Variants in IQCJ observed in about 807,000 individuals in gnomAD.
The protein encoded by IQCJ is IQ domain-containing protein J.
A neutral mutation model predicts 11.0 loss-of-function variants in IQCJ; 9 were observed. The ratio of observed to expected loss-of-function variants is 0.82; its 90% CI spans 0.49 to 1.43. The LOEUF is 1.43. Ranked by LOEUF, IQCJ falls within the 40% of genes most tolerant of loss-of-function variation. The pLI is 0.00. For synonymous variants in IQCJ, 55 were observed against 51.3 expected (o/e 1.07, Z -0.31); for missense variants, 146 against 133.2 (o/e 1.10, Z -0.47).
At chr3:159,216,411 G>C (rs762053501) in intron 1 of IQCJ, among the ~76,000 whole-genome samples, 1 of 152,104 alleles carries the variant, frequency 6.6e-6, no homozygotes, top group Non-Finnish European at 1.5e-5. Context: ...CATGTAAATT[G>C]CTTAATGGCT....
At chr3:159,238,895 A>G (rs1233205466) in intron 1 of IQCJ, among the ~76,000 whole-genome samples, 1 of 152,158 alleles carries the variant, frequency 6.6e-6, no homozygotes, top group Non-Finnish European at 1.5e-5. Context: ...GCTTTGTCAC[A>G]CAGACCTTGG....
chr3:159,249,254 T>A (rs928726335), intron 2 of IQCJ, among the ~76,000 whole-genome samples: 2 of 152,220 alleles, frequency 1.3e-5, no homozygotes, highest in African/African-American at 2.4e-5. Flanking sequence ...TGTATCTTTC[T>A]CAACTGTCTT....
At chr3:159,126,395 C>T (rs1416052668) in intron 1 of IQCJ, among the ~76,000 whole-genome samples, 1 of 152,204 alleles carries the variant, frequency 6.6e-6, no homozygotes, top group Non-Finnish European at 1.5e-5. Context: ...TTCTGTGTGT[C>T]TCCTTCCCAA....
chr3:159,245,919 G>T lies in IQCJ; in HGVS notation c.74+12G>T. 6.6e-7 allele frequency: 1 copy of T among 1,520,410 alleles called. No homozygotes were observed. The highest frequency in any genetic ancestry group is 2.5e-5 in the East Asian group (1 of 40,542). 94.2% of individuals were successfully genotyped at this position (1,520,410 alleles called of 1,614,324 possible). A position where few individuals can be genotyped will look rare whatever the true frequency, so the allele number is the denominator to read the frequency against. On this transcript the variant is annotated intron_variant, in intron 2 of 3. Coordinates refer to ENST00000397832, the MANE Select transcript of IQCJ (RefSeq NM_001042706.3). ...TATTCATTTGAAAAGTAAGTAAAAAGTATTAAGTTAAATCATCTGCAAGGT... is the reference window on the plus strand; with the variant it reads ...TATTCATTTGAAAAGTAAGTAAAAATTATTAAGTTAAATCATCTGCAAGGT...
chr3:159,151,701 T>TAG (rs1721233014), intron 1 of IQCJ, among the ~76,000 whole-genome samples: 1 of 152,234 alleles, frequency 6.6e-6, no homozygotes, highest in Non-Finnish European at 1.5e-5. Flanking sequence ...AGTGGCGCTA[T>TAG]ATTGGTTCAC....
rs140321146 is a variant in IQCJ at position 159,148,052 on chromosome 3, A to C, written c.9+78611A>C. Among the ~76,000 whole-genome samples the C allele has an allele frequency of 2.6e-5, 4 of 152,370 alleles. No individual in the cohort carries two copies. The East Asian group carries it at 7.7e-4, about 29-fold the overall frequency. On this transcript the variant is annotated intron_variant, in intron 1 of 3. Transcript: ENST00000397832. The stretch of plus-strand genomic sequence containing the variant: ...ATCAGAATCTCTAGGGGTGGAACCC[A>C]ATAAGCTACACATTTTAGTATGTCC...
intron 1 of IQCJ, among the ~76,000 whole-genome samples, chr3:159,169,581 C>T (rs1406290141): frequency 6.6e-6 from 1 of 152,104 alleles, no homozygotes; most frequent in East Asian, 1.9e-4. Context: ...TGAGCCACCG[C>T]ACCCTGCCAA....
At chr3:159,129,308 T>C (rs1228053862) in intron 1 of IQCJ, among the ~76,000 whole-genome samples, 1 of 152,226 alleles carries the variant, frequency 6.6e-6, no homozygotes, top group East Asian at 1.9e-4. Flanking sequence ...TTTTCATTTC[T>C]GTCTCTTGTT....
chr3:159,214,700 C>A (rs1279464700), intron 1 of IQCJ, among the ~76,000 whole-genome samples: 1 of 152,190 alleles, frequency 6.6e-6, no homozygotes, highest in Non-Finnish European at 1.5e-5. Context: ...CAGTGTGGGG[C>A]CTGCACAGAC....
chr3:159,137,144 C>T (rs1577032742), intron 1 of IQCJ, among the ~76,000 whole-genome samples: 2 of 152,112 alleles, frequency 1.3e-5, no homozygotes, highest in South Asian at 2.1e-4. Context: ...CACCTGTAAT[C>T]CCAGCTACTC....
At chr3:159,101,077 C>G (rs1287855744) in intron 1 of IQCJ, among the ~76,000 whole-genome samples, 3 of 104,240 alleles carry the variant, frequency 2.9e-5, no homozygotes, top group Non-Finnish European at 2.0e-5. Context: ...CGTGGTGCGC[C>G]GTTTCTTAAG....
chr3:159,249,016 C>T (rs1001885331), intron 2 of IQCJ, among the ~76,000 whole-genome samples: 11 of 152,046 alleles, frequency 7.2e-5, no homozygotes, highest in African/African-American at 2.2e-4. Context: ...GCCACCACAC[C>T]GGCTAATTTT....
chr3:159,069,445 A>G lies in IQCJ; in HGVS notation c.9+4A>G. 1.2e-6 allele frequency: 2 copies of G among 1,608,562 alleles called. No homozygotes were observed. Among genetic ancestry groups the G allele is most frequent in the Non-Finnish European group, 1.7e-6 (2 of 1,177,776 alleles). On this transcript the variant is annotated splice_donor_region_variant and intron_variant, in intron 1 of 3. Coordinates refer to ENST00000397832, the MANE Select transcript of IQCJ (RefSeq NM_001042706.3). The stretch of plus-strand genomic sequence containing the variant: ...CAGAAACTTCAAAATGCGTCTGGTA[A>G]TGTATTTGCTTTTCTAAACGTGCCA...
intron 1 of IQCJ, among the ~76,000 whole-genome samples, chr3:159,139,312 A>G (rs1168327953): frequency 6.6e-6 from 1 of 152,150 alleles, no homozygotes; most frequent in Non-Finnish European, 1.5e-5. Flanking sequence ...TTTTAATAGA[A>G]CTATATTTGA....
chr3:159,137,048 G>A (rs1720331143), intron 1 of IQCJ, among the ~76,000 whole-genome samples: 1 of 152,126 alleles, frequency 6.6e-6, no homozygotes. Context: ...TGGATCACCA[G>A]GTCAGGAGTT....
chr3:159,174,215 T>A (rs1415496025), intron 1 of IQCJ, among the ~76,000 whole-genome samples: 1 of 152,146 alleles, frequency 6.6e-6, no homozygotes, highest in Non-Finnish European at 1.5e-5. Flanking sequence ...ATGCTTGTTT[T>A]ATGGTTGCCA....
intron 1 of IQCJ, among the ~76,000 whole-genome samples, chr3:159,091,657 C>T (rs1717299622): frequency 1.7e-5 from 1 of 59,386 alleles, no homozygotes; most frequent in Admixed American, 2.7e-4. Context: ...TACACACACA[C>T]ACACACACAC....
At chr3:159,192,364 T>C (rs1723740165) in intron 1 of IQCJ, among the ~76,000 whole-genome samples, 1 of 152,198 alleles carries the variant, frequency 6.6e-6, no homozygotes, top group African/African-American at 2.4e-5. Flanking sequence ...CCTGGTGCTA[T>C]AGGTCCAGTC....
At chr3:159,234,581 A>T (rs1177528298) in intron 1 of IQCJ, among the ~76,000 whole-genome samples, 1 of 152,220 alleles carries the variant, frequency 6.6e-6, no homozygotes, top group Non-Finnish European at 1.5e-5. Flanking sequence ...AGGCAAAAAC[A>T]TTGCTTGAGA....
Sources: allele counts gnomAD v4.1 joint callset (sites outside exome capture counted in the v4.1 genomes callset), GRCh38; gene constraint gnomAD v4.1.1; transcripts MANE v1.5; gene names NCBI Gene and HGNC (gene_info 2026-07-23, HGNC 2026-07-21).